Variants in FER1L6 observed in about 807,000 individuals in gnomAD.
FER1L6 encodes the protein fer-1-like protein 6.
In FER1L6, 177 loss-of-function variants were observed where a neutral mutation model predicts 219.2. The ratio of observed to expected loss-of-function variants is 0.81; its 90% CI spans 0.71 to 0.91. FER1L6 has a LOEUF of 0.91. Ranked by LOEUF, FER1L6 falls within the 40% of genes least tolerant of loss-of-function variation. The pLI is 0.00. For synonymous variants in FER1L6, 768 were observed against 824.3 expected, an observed-to-expected ratio of 0.93 and a Z score of 1.17; for missense variants, 2,153 against 2,259.9, an observed-to-expected ratio of 0.95 and a Z score of 0.96.
intron 3 of FER1L6, 54 bp downstream of exon 3, chr8:123,963,452 C>A: frequency 6.3e-7 from 1 of 1,592,442 alleles, no homozygotes; most frequent in East Asian, 2.2e-5. Context: ...CTCTTATGTG[C>A]CAAGCACCTC....
chr8:123,901,712 A>G (rs993986381), intron 1 of FER1L6, among the ~76,000 whole-genome samples: 2 of 151,008 alleles, frequency 1.3e-5, no homozygotes, highest in Non-Finnish European at 2.9e-5. Context: ...GTTGTCATTC[A>G]GTTTGAAGAA....
At chr8:123,945,260 C>T (rs1258226328) in intron 1 of FER1L6, among the ~76,000 whole-genome samples, 2 of 152,204 alleles carry the variant, frequency 1.3e-5, no homozygotes, top group Non-Finnish European at 2.9e-5. Flanking sequence ...AGGATAGTGA[C>T]TCCTGGAGAA....
At chr8:123,923,438 A>G (rs140862434) in intron 1 of FER1L6, among the ~76,000 whole-genome samples, 34 of 152,320 alleles carry the variant, frequency 2.2e-4, no homozygotes, top group African/African-American at 7.2e-4. Context: ...ACTCTAAGCA[A>G]CTTCATATAG....
chr8:123,976,213 G>A, intron 9 of FER1L6, 129 bp downstream of exon 9: 1 of 773,532 alleles, frequency 1.3e-6, no homozygotes, highest in South Asian at 2.4e-5. Flanking sequence ...TTACAAAAAG[G>A]CAATGGGGCC....
At chr8:124,066,075 G>A (rs537223527) in intron 26 of FER1L6, among the ~76,000 whole-genome samples, 1 of 152,294 alleles carries the variant, frequency 6.6e-6, no homozygotes, top group Admixed American at 6.5e-5. Flanking sequence ...TGAAGCTAAT[G>A]CCTTTTCTGC....
intron 1 of FER1L6, among the ~76,000 whole-genome samples, chr8:123,945,511 C>A (rs954530021): frequency 1.3e-5 from 2 of 152,114 alleles, no homozygotes; most frequent in Non-Finnish European, 2.9e-5. Flanking sequence ...GATAGATGAG[C>A]CTTCAGGTTT....
At chr8:123,993,443 A>G (rs899519775) in intron 12 of FER1L6, among the ~76,000 whole-genome samples, 2 of 144,084 alleles carry the variant, frequency 1.4e-5, no homozygotes, top group African/African-American at 5.2e-5. Context: ...CTCCGTCTCA[A>G]AAAAAAAAAA....
At chr8:124,027,207 G>C (rs1037265951) in intron 18 of FER1L6, among the ~76,000 whole-genome samples, 2 of 152,092 alleles carry the variant, frequency 1.3e-5, no homozygotes, top group Admixed American at 1.3e-4. Flanking sequence ...TGGGTGTTGG[G>C]GATTAGAACT....
At chr8:124,004,707 G>GT (rs1817580468) in intron 13 of FER1L6, among the ~76,000 whole-genome samples, 1 of 152,002 alleles carries the variant, frequency 6.6e-6, no homozygotes, top group South Asian at 2.1e-4. Context: ...CAAGAAAATT[G>GT]TCAACTGTTG....
chr8:123,920,076 T>C (rs919280590), intron 1 of FER1L6, among the ~76,000 whole-genome samples: 5 of 152,192 alleles, frequency 3.3e-5, no homozygotes, highest in Admixed American at 3.3e-4. Flanking sequence ...CTGCAGAGCA[T>C]TACACCCCAA....
chr8:123,956,470 ATCACAGTTACTGTGGGGGAGGCT>A (rs1815025967), intron 2 of FER1L6, among the ~76,000 whole-genome samples: 1 of 152,142 alleles, frequency 6.6e-6, no homozygotes, highest in Non-Finnish European at 1.5e-5. Context: ...AAATAAGAGG[ATCACAGTTACTGTGGGGGAGGCT>A]TCACACACAA....
intron 1 of FER1L6, among the ~76,000 whole-genome samples, chr8:123,901,252 A>G (rs868813446): frequency 6.6e-6 from 1 of 152,172 alleles, no homozygotes; most frequent in East Asian, 1.9e-4. Context: ...TTTTTCCAGG[A>G]ATTAATCCAT....
Position 123,986,118 on chromosome 8 carries a change from A to G in FER1L6, c.1461A>G (p.Glu487=), listed in dbSNP as rs765932249. 2 of 1,613,846 alleles carry G rather than the reference A, an allele frequency of 1.2e-6. No homozygotes were observed. The highest frequency in any genetic ancestry group is 1.7e-5 in the Admixed American group (1 of 60,010). ...TTTTACTCTTTGGAGCATTTTTTGAAGCTACCATGATTGACCGGAAGATTG... is the reference window on the plus strand; with the variant it reads ...TTTTACTCTTTGGAGCATTTTTTGAGGCTACCATGATTGACCGGAAGATTG... The part of the protein sequence containing the change: ...EEFLLFGAFF[E]ATMIDRKIGD... The change falls in exon 12 of 41, where the codon GAA becomes GAG. Residue 487 remains glutamate (E), a synonymous_variant. Transcript: ENST00000522917.
At chr8:123,864,207 G>T (rs1586427115) in intron 1 of FER1L6, among the ~76,000 whole-genome samples, 1 of 150,740 alleles carries the variant, frequency 6.6e-6, no homozygotes, top group South Asian at 2.1e-4. Context: ...TTGCTTGTTT[G>T]TAAAGTATTT....
At chr8:123,877,824 T>G (rs1817031854) in intron 1 of FER1L6, among the ~76,000 whole-genome samples, 1 of 151,182 alleles carries the variant, frequency 6.6e-6, no homozygotes, top group Non-Finnish European at 1.5e-5. Flanking sequence ...TTTCCTTCCC[T>G]ATAAAAGCTT....
At chr8:124,038,911 G>T (rs755553723) in intron 19 of FER1L6, among the ~76,000 whole-genome samples, 1 of 152,198 alleles carries the variant, frequency 6.6e-6, no homozygotes, top group Admixed American at 6.5e-5. Flanking sequence ...GGGGGAGTCC[G>T]TGAAATGGGA....
intron 21 of FER1L6, among the ~76,000 whole-genome samples, chr8:124,048,006 C>G (rs1332122331): frequency 6.6e-6 from 1 of 152,192 alleles, no homozygotes; most frequent in African/African-American, 2.4e-5. Context: ...TTTGAATTAA[C>G]CATTCCCAGC....
intron 22 of FER1L6, among the ~76,000 whole-genome samples, chr8:124,055,906 G>A (rs1244775897): frequency 6.6e-6 from 1 of 152,060 alleles, no homozygotes; most frequent in Non-Finnish European, 1.5e-5. Flanking sequence ...TTCCTTGGCT[G>A]GTGGCCCTTC....
rs144153037 is a variant in FER1L6, at chr8:124,109,544, C to A, written c.5289+6235C>A. On this transcript the variant is annotated intron_variant, in intron 39 of 40. Coordinates refer to ENST00000522917, the MANE Select transcript of FER1L6 (RefSeq NM_001039112.2). ...TTTTCGTTAAAGAGAAAGGCCTTAC[C>A]GAGGACTCCCATACCCTTACTAGCT... Among the ~76,000 whole-genome samples, 817 of 152,262 alleles carry A rather than the reference C, an allele frequency of 5.4e-3. 14 individuals carry two copies. The highest frequency in any genetic ancestry group is 0.019 in the African/African-American group (778 of 41,540).
Sources: allele counts gnomAD v4.1 joint callset (sites outside exome capture counted in the v4.1 genomes callset), GRCh38; gene constraint gnomAD v4.1.1; transcripts MANE v1.5; gene names NCBI Gene and HGNC (gene_info 2026-07-23, HGNC 2026-07-21).